The following IL22RA2 variants were observed in gnomAD, a reference collection of about 807,000 sequenced individuals.
IL22RA2 encodes interleukin 22 receptor subunit alpha 2.
IL22RA2 carries 39 observed loss-of-function variants against 30.7 expected under a neutral mutation model. That is an observed-to-expected ratio of 1.27 (90% CI 0.98 to 1.66). IL22RA2 has a LOEUF of 1.66. IL22RA2 is among the 40% of genes most tolerant of loss of function. IL22RA2 has a pLI of 0.00. For missense variants in IL22RA2, 315 were observed against 312.7 expected, an observed-to-expected ratio of 1.01 and a Z score of -0.05; for synonymous variants, 103 against 105.0, an observed-to-expected ratio of 0.98 and a Z score of 0.11.
rs1358269602 is a variant in IL22RA2 at position 137,156,931 on chromosome 6, C to T, written c.198-77G>A. Reference sequence around the variant, plus strand: ...GGGCATCCTGGCTTTACAACAACCACTCTCATAGAAACATTTCCATGACAA... The same window carrying T: ...GGGCATCCTGGCTTTACAACAACCATTCTCATAGAAACATTTCCATGACAA... On this transcript the variant is annotated intron_variant, in intron 3 of 6. Coordinates refer to ENST00000296980, the MANE Select transcript of IL22RA2 (RefSeq NM_052962.3). The T allele has an allele frequency of 6.4e-6, 10 of 1,559,478 alleles. No individual in the cohort carries two copies. The Admixed American group carries it at 1.2e-4, about 19-fold the overall frequency.
intron 5 of IL22RA2, 23 bp from the exon 6 acceptor site, chr6:137,147,914 T>C: frequency 6.3e-7 from 1 of 1,585,640 alleles, no homozygotes; most frequent in Non-Finnish European, 8.6e-7. Flanking sequence ...CATAAAAATT[T>C]GACAAATCAT....
intron 4 of IL22RA2, 82 bp from the exon 5 acceptor site, chr6:137,155,201 A>T (rs943223219): frequency 7.5e-5 from 77 of 1,025,574 alleles, no homozygotes; most frequent in Non-Finnish European, 1.0e-4. Context: ...ATAATTTTTT[A>T]TACCTGATTC....
intron 1 of IL22RA2, among the ~76,000 whole-genome samples, chr6:137,167,099 T>C (rs1778641286): frequency 6.6e-6 from 1 of 152,212 alleles, no homozygotes; most frequent in Non-Finnish European, 1.5e-5. Flanking sequence ...TATTCCTAGA[T>C]TTCGACTGCC....
chr6:137,155,402 A>C (rs1252743881), intron 4 of IL22RA2, among the ~76,000 whole-genome samples: 1 of 152,036 alleles, frequency 6.6e-6, no homozygotes, highest in Non-Finnish European at 1.5e-5. Context: ...GAGCCATAAG[A>C]GCCACATCTG....
At chr6:137,149,140 G>T (rs1178466729) in intron 5 of IL22RA2, among the ~76,000 whole-genome samples, 1 of 151,934 alleles carries the variant, frequency 6.6e-6, no homozygotes, top group Admixed American at 6.6e-5. Flanking sequence ...TCTTACTCAG[G>T]CATCTTTGGG....
intron 5 of IL22RA2, 42 bp from the exon 6 acceptor site, chr6:137,147,933 T>G (rs767896597): frequency 6.5e-7 from 1 of 1,528,658 alleles, no homozygotes. Flanking sequence ...ATCAAAGGAA[T>G]GTATTATATA....
chr6:137,165,573 A>G (rs1475383929), intron 1 of IL22RA2, among the ~76,000 whole-genome samples: 1 of 152,092 alleles, frequency 6.6e-6, no homozygotes, highest in Non-Finnish European at 1.5e-5. Context: ...ATGATAGAGG[A>G]CAAACTAGGT....
In IL22RA2 at chr6:137,145,740, C is replaced by A. The variant is rs768824042; in HGVS notation, c.676G>T (p.Val226Phe). Residue 226 changes from valine (V) to phenylalanine (F), a missense_variant, in exon 7 of 7, where the codon GTT becomes TTT. Val to Phe is a conservative substitution (Grantham distance 50, BLOSUM62 -1). Coordinates refer to ENST00000296980, the MANE Select transcript of IL22RA2 (RefSeq NM_052962.3). ...QKVYEGAHRA[V>F]EIEALTPHSS... ...TGTGGTGTTAGAGCTTCAATTTCAA[C>A]CGCTCTGTGAGCCCCTTCATAAACC... is the stretch of plus-strand genomic sequence containing the variant. 4.3e-6 allele frequency: 7 copies of A among 1,613,996 alleles called. No individual in the cohort carries two copies. The Admixed American group carries it at 1.2e-4, about 27-fold the overall frequency.
chr6:137,152,397 T>A (rs1227484812), intron 5 of IL22RA2, among the ~76,000 whole-genome samples: 1 of 152,180 alleles, frequency 6.6e-6, no homozygotes, highest in African/African-American at 2.4e-5. Context: ...CAAAAAAGAA[T>A]GAAGTACTGA....
chr6:137,155,062 A>G lies in IL22RA2; in HGVS notation c.351T>C (p.Ser117=), dbSNP rs769593566. 1.2e-5 allele frequency: 19 copies of G among 1,613,376 alleles called. No individual in the cohort carries two copies. The highest frequency in any genetic ancestry group is 1.1e-4 in the South Asian group (10 of 91,026). ...KEDCWGTQEL[S]CDLTSETSDI... ...CTGAGGTTTCACTGGTAAGGTCACAAGAGAGTTCTTGAGTACCCCAACAGT... is the reference window on the plus strand; with the variant it reads ...CTGAGGTTTCACTGGTAAGGTCACAGGAGAGTTCTTGAGTACCCCAACAGT... Residue 117 remains serine (S), a synonymous_variant, in exon 5 of 7, where the codon TCT becomes TCC. Coordinates refer to ENST00000296980, the MANE Select transcript of IL22RA2 (RefSeq NM_052962.3).
chr6:137,165,867 T>A (rs1345895178), intron 1 of IL22RA2, among the ~76,000 whole-genome samples: 1 of 152,230 alleles, frequency 6.6e-6, no homozygotes, highest in African/African-American at 2.4e-5. Flanking sequence ...GTCACTCTGA[T>A]GGAGCAGAGG....
chr6:137,172,917 G>A (rs977804003), intron 1 of IL22RA2, among the ~76,000 whole-genome samples: 3 of 151,996 alleles, frequency 2.0e-5, no homozygotes, highest in African/African-American at 7.3e-5. Flanking sequence ...ATGAAATGGT[G>A]TCATGTCTGG....
intron 2 of IL22RA2, among the ~76,000 whole-genome samples, chr6:137,161,294 C>T (rs1778515918): frequency 6.6e-6 from 1 of 152,128 alleles, no homozygotes; most frequent in Non-Finnish European, 1.5e-5. Context: ...GATAGCTTGG[C>T]TTAGGAGCCT....
At chr6:137,172,219 T>C (rs1778750853) in intron 1 of IL22RA2, among the ~76,000 whole-genome samples, 1 of 152,224 alleles carries the variant, frequency 6.6e-6, no homozygotes, top group Admixed American at 6.5e-5. Context: ...CGAGGTTTTA[T>C]GATGAGAGCA....
chr6:137,149,910 C>T (rs954554060), intron 5 of IL22RA2, among the ~76,000 whole-genome samples: 4 of 152,130 alleles, frequency 2.6e-5, no homozygotes, highest in Admixed American at 1.3e-4. Flanking sequence ...TATTCTTTGC[C>T]TCAAGTGATC....
At chr6:137,157,260 T>G (rs1282763850) in intron 3 of IL22RA2, among the ~76,000 whole-genome samples, 1 of 152,160 alleles carries the variant, frequency 6.6e-6, no homozygotes, top group African/African-American at 2.4e-5. Context: ...GGACCACAAA[T>G]AGGTCCACTT....
chr6:137,155,123 T>C lies in IL22RA2; in HGVS notation c.294-4A>G, dbSNP rs1450332945. The C allele has an allele frequency of 6.6e-7, 1 of 1,526,488 alleles. No homozygotes were observed. The allele number at this position is 1,526,488 out of a possible 1,614,324, so 94.6% of individuals were successfully genotyped here. On this transcript the variant is annotated splice_polypyrimidine_tract_variant and splice_region_variant and intron_variant, in intron 4 of 6. Coordinates refer to ENST00000296980, the MANE Select transcript of IL22RA2 (RefSeq NM_052962.3). ...TTTCCATTGTCTCTGTCCATATCTG[T>C]AGCAGGGAAAAGGCAAAGATCTGAG...
At chr6:137,157,576 T>C (rs1242867554) in intron 3 of IL22RA2, among the ~76,000 whole-genome samples, 1 of 152,100 alleles carries the variant, frequency 6.6e-6, no homozygotes, top group East Asian at 1.9e-4. Flanking sequence ...ACTTTGGCCA[T>C]AGCTGCATTT....
At chr6:137,148,969 T>C (rs889330273) in intron 5 of IL22RA2, among the ~76,000 whole-genome samples, 2 of 152,206 alleles carry the variant, frequency 1.3e-5, no homozygotes, top group African/African-American at 4.8e-5. Flanking sequence ...ATTGTGATTG[T>C]GTTACAAGAC....
Sources: gnomAD v4.1 joint callset for allele counts (sites outside exome capture counted in the v4.1 genomes callset) on GRCh38, gnomAD v4.1.1 for gene constraint, MANE v1.5 for transcripts, NCBI Gene and HGNC (gene_info 2026-07-23, HGNC 2026-07-21) for gene names.